The following A2M variants were observed in gnomAD, a reference collection of about 807,000 sequenced individuals.
A2M encodes the protein C3 and PZP-like alpha-2-macroglobulin domain-containing protein 5.
In A2M, 128 loss-of-function variants were observed where a neutral mutation model predicts 183.9. That is an observed-to-expected ratio of 0.70 (90% CI 0.60 to 0.81). The LOEUF is 0.81. Ranked by LOEUF, A2M falls within the 30% of genes least tolerant of loss-of-function variation. The pLI is 0.00. For missense variants in A2M, 1,495 were observed against 1,787.6 expected, an observed-to-expected ratio of 0.84 and a Z score of 2.95; for synonymous variants, 592 against 670.8, an observed-to-expected ratio of 0.88 and a Z score of 1.81.
chr12:9,088,058 C>T (rs1949100861), intron 22 of A2M, among the ~76,000 whole-genome samples: 1 of 152,084 alleles, frequency 6.6e-6, no homozygotes, highest in South Asian at 2.1e-4. Context: ...TACAATTTAA[C>T]ATAGGTAAAT....
intron 17 of A2M, 58 bp from the exon 18 acceptor site, chr12:9,093,637 AATGT>A: frequency 1.0e-6 from 1 of 957,682 alleles, no homozygotes; most frequent in Non-Finnish European, 1.4e-6. Flanking sequence ...CTTATGAGAG[AATGT>A]AATAGTTGCC....
chr12:9,081,784 C>A, intron 22 of A2M, among the ~76,000 whole-genome samples: 1 of 152,152 alleles, frequency 6.6e-6, no homozygotes, highest in Non-Finnish European at 1.5e-5. Flanking sequence ...CCACTCTGGT[C>A]TCATTTCACC....
At position 9,090,454 on chromosome 12, in the gene A2M, G is replaced by T. The variant is rs763271861; in HGVS notation, c.2498C>A (p.Ala833Asp). ...CTTCTCCACTGGGACAGCTAGGAAG[G>T]CGGGAGAGGCTTCCAGCTGCACACT... ...RVSVQLEASP[A>D]FLAVPVEKEQ... is the part of the protein sequence containing the mutation. The change falls in exon 20 of 36, where the codon GCC (alanine) becomes GAC (aspartate). Residue 833 changes from alanine (A) to aspartate (D), a missense_variant. Transcript: ENST00000318602. The T allele has an allele frequency of 2.5e-6, 4 of 1,613,986 alleles. No homozygotes were observed. Among genetic ancestry groups the T allele is most frequent in the Non-Finnish European group, 3.4e-6 (4 of 1,179,862 alleles).
At chr12:9,084,547 A>C (rs1364653505) in intron 22 of A2M, among the ~76,000 whole-genome samples, 1 of 151,930 alleles carries the variant, frequency 6.6e-6, no homozygotes, top group Non-Finnish European at 1.5e-5. Context: ...AGAAGCACAG[A>C]ACAAAAATTT....
Position 9,109,340 on chromosome 12 carries a change from T to C in A2M, c.739A>G (p.Asn247Asp), listed in dbSNP as rs1565603350. 6.2e-7 allele frequency: 1 copy of C among 1,613,006 alleles called. No individual in the cohort carries two copies. The highest frequency in any genetic ancestry group is 1.7e-5 in the Admixed American group (1 of 60,014). ...KIITILEEEM[N>D]VSVCGLYTYG... ...ACTCACAGGCCACACACTGATACAT[T>C]CATCTCTTCTTCCAAGATGGTGATT... Residue 247 changes from asparagine (N) to aspartate (D), a missense_variant, in exon 7 of 36, where the codon AAT becomes GAT. Coordinates refer to ENST00000318602, the MANE Select transcript of A2M (RefSeq NM_000014.6).
intron 2 of A2M, 171 bp from the exon 3 acceptor site, chr12:9,112,707 GGGAGA>G: frequency 1.5e-6 from 1 of 645,574 alleles, no homozygotes; most frequent in Non-Finnish European, 2.7e-6. Context: ...TTTACAAATG[GGGAGA>G]CAGGACACAA....
chr12:9,114,549 C>G (rs992907409), intron 1 of A2M, among the ~76,000 whole-genome samples: 2 of 151,870 alleles, frequency 1.3e-5, no homozygotes, highest in African/African-American at 4.8e-5. Context: ...TATTTAATAT[C>G]TTTCTCTTCT....
chr12:9,110,008 A>G lies in A2M; in HGVS notation c.532T>C (p.Trp178Arg), dbSNP rs2137956680. 1 of 1,613,184 alleles carries G rather than the reference A, an allele frequency of 6.2e-7. No individual in the cohort carries two copies. The highest frequency in any genetic ancestry group is 8.5e-7 in the Non-Finnish European group (1 of 1,179,624). ...CCACCCTCTAACTGGAAACTCTGCCATTGTGCGATGCGATTTCCTTTGGGA... is the reference window on the plus strand; with the variant it reads ...CCACCCTCTAACTGGAAACTCTGCCGTTGTGCGATGCGATTTCCTTTGGGA... ...QDPKGNRIAQ[W>R]QSFQLEGGLK... Residue 178 changes from tryptophan (W) to arginine (R), a missense_variant, in exon 6 of 36, where the codon TGG becomes CGG. Coordinates refer to ENST00000318602, the MANE Select transcript of A2M (RefSeq NM_000014.6).
At chr12:9,113,269 C>T in intron 2 of A2M, 91 bp downstream of exon 2, 1 of 1,401,066 alleles carries the variant, frequency 7.1e-7, no homozygotes, top group Non-Finnish European at 9.7e-7. Flanking sequence ...CAGTTCTTAC[C>T]AACCTCCCAA....
chr12:9,074,808 A>T (rs1361498255), intron 28 of A2M, 25 bp from the exon 29 acceptor site: 1 of 1,571,832 alleles, frequency 6.4e-7, no homozygotes, highest in Admixed American at 1.8e-5. Context: ...AAAGATATTT[A>T]TAAGTGCCTA....
intron 2 of A2M, 188 bp from the exon 3 acceptor site, chr12:9,112,724 G>A: frequency 1.7e-6 from 1 of 594,034 alleles, no homozygotes; most frequent in Non-Finnish European, 3.0e-6. Context: ...AGGACACAAG[G>A]TGGAGGAAAA....
At chr12:9,109,514 A>G in intron 6 of A2M, 109 bp from the exon 7 acceptor site, 1 of 818,012 alleles carries the variant, frequency 1.2e-6, no homozygotes, top group Non-Finnish European at 2.0e-6. Flanking sequence ...GGCTCTGAAA[A>G]GGTAGCTCTG....
In A2M at chr12:9,104,309, G is replaced by A. The variant is rs1373034500; in HGVS notation, c.1196C>T (p.Thr399Met). 5 of 1,612,690 alleles carry A rather than the reference G, an allele frequency of 3.1e-6. No homozygotes were observed. Among genetic ancestry groups the A allele is most frequent in the African/African-American group, 1.3e-5 (1 of 74,900 alleles). Residue 399 changes from threonine (T) to methionine (M), a missense_variant, in exon 11 of 36, where the codon ACG becomes ATG. Coordinates refer to ENST00000318602, the MANE Select transcript of A2M (RefSeq NM_000014.6). ...NEANYYSNAT[T>M]DEHGLVQFSI... Reference sequence around the variant, plus strand: ...GAACTGTACAAGGCCATGCTCATCCGTGGTAGCATTGGAGTAATAGTTTGC... The same window carrying A: ...GAACTGTACAAGGCCATGCTCATCCATGGTAGCATTGGAGTAATAGTTTGC...
At chr12:9,106,825 G>A (rs962740299) in intron 8 of A2M, among the ~76,000 whole-genome samples, 2 of 152,032 alleles carry the variant, frequency 1.3e-5, no homozygotes, top group African/African-American at 4.8e-5. Context: ...AAATTCCCTA[G>A]ATATATTGCG....
chr12:9,093,783 G>A (rs1000663081), intron 17 of A2M, among the ~76,000 whole-genome samples: 6 of 150,026 alleles, frequency 4.0e-5, no homozygotes, highest in Non-Finnish European at 7.4e-5. Flanking sequence ...AGGAGAGGCC[G>A]GGCGCGGTGG....
chr12:9,103,608 T>C (rs755610944), intron 11 of A2M, among the ~76,000 whole-genome samples: 2 of 152,210 alleles, frequency 1.3e-5, no homozygotes, highest in Non-Finnish European at 2.9e-5. Flanking sequence ...CATCCTGTTT[T>C]CTGTTTCTAT....
rs1415142582 is a variant in A2M at position 9,090,457 on chromosome 12, G to A, written c.2495C>T (p.Pro832Leu). The change falls in exon 20 of 36, where the codon CCC becomes CTC. Residue 832 changes from proline (P) to leucine (L), a missense_variant. By Grantham distance (98) the Pro-to-Leu change is moderately conservative. Transcript: ENST00000318602. ...CTCCACTGGGACAGCTAGGAAGGCG[G>A]GAGAGGCTTCCAGCTGCACACTGAC... is the stretch of plus-strand genomic sequence containing the variant. ...IRVSVQLEAS[P>L]AFLAVPVEKE... The A allele has an allele frequency of 5.0e-6, 8 of 1,613,846 alleles. No individual in the cohort carries two copies. The Admixed American group carries it at 1.3e-4, about 27-fold the overall frequency.
intron 22 of A2M, among the ~76,000 whole-genome samples, chr12:9,088,801 C>T (rs777110837): frequency 2.0e-5 from 3 of 152,140 alleles, no homozygotes; most frequent in Admixed American, 6.5e-5. Context: ...ATAGCAATCC[C>T]GTTATCAAAT....
At chr12:9,098,566 G>A in intron 15 of A2M, 41 bp downstream of exon 15, 1 of 1,562,286 alleles carries the variant, frequency 6.4e-7, no homozygotes, top group Non-Finnish European at 8.7e-7. Flanking sequence ...CTGAGCCCCT[G>A]GCACGGCCCT....
Sources: gnomAD v4.1 joint callset for allele counts (sites outside exome capture counted in the v4.1 genomes callset) on GRCh38, gnomAD v4.1.1 for gene constraint, MANE v1.5 for transcripts, NCBI Gene and HGNC (gene_info 2026-07-23, HGNC 2026-07-21) for gene names.